Variants in GABRG3 observed in about 807,000 individuals in gnomAD.
GABRG3 encodes the protein gamma-aminobutyric acid type A receptor subunit gamma3.
GABRG3 carries 25 observed loss-of-function variants against 48.8 expected under a neutral mutation model. The ratio of observed to expected loss-of-function variants is 0.51; its 90% confidence interval spans 0.37 to 0.72. GABRG3 has a LOEUF of 0.72. Among genes scored for constraint, GABRG3 ranks in the 30% least tolerant of loss-of-function variants. GABRG3 has a pLI of 0.00. For synonymous variants in GABRG3, 227 were observed against 217.6 expected, an observed-to-expected ratio of 1.04 and a Z score of -0.38; for missense variants, 394 against 577.9, an observed-to-expected ratio of 0.68 and a Z score of 3.26.
chr15:27,270,906 A>G (rs1891063348), intron 3 of GABRG3, among the ~76,000 whole-genome samples: 1 of 152,228 alleles, frequency 6.6e-6, no homozygotes, highest in Non-Finnish European at 1.5e-5. Flanking sequence ...ATGCACCATG[A>G]TTCACTATCC....
intron 6 of GABRG3, among the ~76,000 whole-genome samples, chr15:27,485,117 T>G (rs536273338): frequency 6.6e-6 from 1 of 152,284 alleles, no homozygotes; most frequent in South Asian, 2.1e-4. Context: ...GAACACCACT[T>G]GGCCACGTGA....
intron 3 of GABRG3, among the ~76,000 whole-genome samples, chr15:27,190,765 C>A (rs886534385): frequency 5.3e-5 from 8 of 151,970 alleles, no homozygotes; most frequent in African/African-American, 1.7e-4. Flanking sequence ...TTGCCTTCTG[C>A]TAGCTTTTGA....
intron 3 of GABRG3, among the ~76,000 whole-genome samples, chr15:27,187,274 T>A (rs1434158032): frequency 6.6e-6 from 1 of 152,188 alleles, no homozygotes; most frequent in Non-Finnish European, 1.5e-5. Context: ...TTCTGTTCTA[T>A]GGGTCTATGA....
chr15:27,018,800 A>G (rs1354125820), intron 2 of GABRG3, among the ~76,000 whole-genome samples: 2 of 152,122 alleles, frequency 1.3e-5, no homozygotes, highest in Non-Finnish European at 2.9e-5. Context: ...AAACTGCAAT[A>G]TTGACCAAGT....
intron 3 of GABRG3, among the ~76,000 whole-genome samples, chr15:27,233,966 C>G (rs1889880868): frequency 6.6e-6 from 1 of 152,190 alleles, no homozygotes; most frequent in East Asian, 1.9e-4. Context: ...CATTTTTTCC[C>G]TCTACATTTT....
intron 3 of GABRG3, among the ~76,000 whole-genome samples, chr15:27,132,780 T>G (rs1170495788): frequency 6.6e-6 from 1 of 151,648 alleles, no homozygotes; most frequent in African/African-American, 2.4e-5. Context: ...TTGATTTTTT[T>G]TCCTATTTCT....
intron 3 of GABRG3, among the ~76,000 whole-genome samples, chr15:27,245,833 G>A (rs886277029): frequency 5.3e-5 from 8 of 152,152 alleles, no homozygotes; most frequent in African/African-American, 1.4e-4. Context: ...CAGCCTGGGT[G>A]ACAGTGCGAG....
intron 3 of GABRG3, among the ~76,000 whole-genome samples, chr15:27,286,415 TCTTC>T (rs1891614203): frequency 6.6e-6 from 1 of 152,198 alleles, no homozygotes; most frequent in Admixed American, 6.5e-5. Flanking sequence ...AGTTTCATCT[TCTTC>T]CTTCAAGGAG....
At chr15:27,402,178 C>G (rs11074290) in intron 5 of GABRG3, among the ~76,000 whole-genome samples, 9,743 of 152,168 alleles carry the variant, frequency 0.064, 1,032 homozygotes, top group African/African-American at 0.22. Context: ...AATCTACTTA[C>G]AAAAGCCATC....
chr15:27,437,028 A>AGAGAGC (rs991450064), intron 5 of GABRG3, among the ~76,000 whole-genome samples: 2 of 150,674 alleles, frequency 1.3e-5, no homozygotes, highest in East Asian at 3.9e-4. Flanking sequence ...AGAGAGAGAG[A>AGAGAGC]GAGAGCGCCC....
intron 2 of GABRG3, among the ~76,000 whole-genome samples, chr15:27,020,817 A>G (rs1423049887): frequency 1.3e-5 from 2 of 152,108 alleles, no homozygotes; most frequent in Non-Finnish European, 2.9e-5. Context: ...GAGGTGATAT[A>G]ATTTTTGTTG....
chr15:27,269,149 C>T (rs1481555419), intron 3 of GABRG3, among the ~76,000 whole-genome samples: 5 of 152,186 alleles, frequency 3.3e-5, no homozygotes, highest in South Asian at 2.1e-4. Context: ...ACTACTGCAT[C>T]GCCTCTCCAC....
intron 3 of GABRG3, among the ~76,000 whole-genome samples, chr15:27,058,737 C>G (rs571650514): frequency 1.3e-5 from 2 of 151,734 alleles, no homozygotes; most frequent in Admixed American, 1.3e-4. Flanking sequence ...TGCTTAAGAC[C>G]GATTTAGTCT....
intron 6 of GABRG3, among the ~76,000 whole-genome samples, chr15:27,503,664 T>C (rs2150855401): frequency 6.6e-6 from 1 of 152,342 alleles, no homozygotes; most frequent in African/African-American, 2.4e-5. Flanking sequence ...GGGTAGAGTG[T>C]TCTATAAATG....
chr15:27,495,893 T>G (rs1159369427), intron 6 of GABRG3, among the ~76,000 whole-genome samples: 6 of 152,282 alleles, frequency 3.9e-5, no homozygotes, highest in Middle Eastern at 3.4e-3. Context: ...AGCTGGACAT[T>G]TTGGATGTTT....
chr15:27,302,414 A>G (rs1379300219), intron 3 of GABRG3, among the ~76,000 whole-genome samples: 1 of 152,068 alleles, frequency 6.6e-6, no homozygotes, highest in East Asian at 1.9e-4. Flanking sequence ...CATAATGAGA[A>G]ATAGGATAAA....
intron 2 of GABRG3, among the ~76,000 whole-genome samples, chr15:26,992,119 A>T (rs1286066476): frequency 1.3e-5 from 2 of 152,198 alleles, no homozygotes; most frequent in African/African-American, 4.8e-5. Context: ...GTCAGTTCTA[A>T]TAGTTTTCTT....
chr15:27,394,497 A>G (rs1034095014), intron 5 of GABRG3, among the ~76,000 whole-genome samples: 33 of 152,120 alleles, frequency 2.2e-4, no homozygotes, highest in African/African-American at 7.7e-4. Context: ...ATTAAAGTAC[A>G]TTGGCATTGT....
chr15:27,277,549 T>G (rs1270833127), intron 3 of GABRG3, among the ~76,000 whole-genome samples: 3 of 152,198 alleles, frequency 2.0e-5, no homozygotes, highest in Non-Finnish European at 4.4e-5. Context: ...TATAAAAATA[T>G]TCCCAGACGT....
Sources: gnomAD v4.1 joint callset for allele counts (sites outside exome capture counted in the v4.1 genomes callset) on GRCh38, gnomAD v4.1.1 for gene constraint, MANE v1.5 for transcripts, NCBI Gene and HGNC (gene_info 2026-07-23, HGNC 2026-07-21) for gene names.